The following HELQ variants were observed in gnomAD, a reference collection of about 807,000 sequenced individuals.
HELQ encodes helicase POLQ-like.
In HELQ, 77 loss-of-function variants were observed where a neutral mutation model predicts 111.6. The ratio of observed to expected loss-of-function variants is 0.69; its 90% CI spans 0.57 to 0.83. The LOEUF (loss-of-function observed/expected upper bound fraction) is 0.83, where lower values mean the gene tolerates loss of function less well. Among genes scored for constraint, HELQ ranks in the 40% least tolerant of loss-of-function variants. HELQ has a pLI of 0.00. For missense variants in HELQ, 1,200 were observed against 1,288.5 expected (o/e 0.93, Z 1.05); for synonymous variants, 438 against 454.7 (o/e 0.96, Z 0.47).
At chr4:83,439,382 T>A (rs1720648554) in intron 8 of HELQ, among the ~76,000 whole-genome samples, 1 of 136,672 alleles carries the variant, frequency 7.3e-6, no homozygotes, top group Admixed American at 7.5e-5. Context: ...TTTTTTTTGA[T>A]GGAGTCTCGC....
chr4:83,430,627 T>G (rs1295329712), intron 11 of HELQ, among the ~76,000 whole-genome samples: 2 of 152,178 alleles, frequency 1.3e-5, no homozygotes, highest in African/African-American at 2.4e-5. Flanking sequence ...ACAATTCTGA[T>G]GCTATTTCAA....
chr4:83,432,252 A>C lies in HELQ; in HGVS notation c.2064T>G (p.Ala688=). 6.4e-7 allele frequency: 1 copy of C among 1,573,204 alleles called. No individual in the cohort carries two copies. Among genetic ancestry groups the C allele is most frequent in the South Asian group, 1.2e-5 (1 of 83,426 alleles). Residue 688 remains alanine (A), a synonymous_variant, in exon 10 of 18, where the codon GCT becomes GCG. Coordinates refer to ENST00000295488, the MANE Select transcript of HELQ (RefSeq NM_133636.5). ...TTAAAAATTCCTTAGCAACATAGGG[A>C]GCTCTTAAAATAACTCTGTGGAATT... ...NLPARRVILR[A]PYVAKEFLKR...
intron 12 of HELQ, 86 bp downstream of exon 12, chr4:83,429,438 T>A: frequency 9.8e-7 from 1 of 1,020,020 alleles, no homozygotes; most frequent in Non-Finnish European, 1.5e-6. Flanking sequence ...CGTGAGCCAC[T>A]GTGCCCAGCT....
chr4:83,424,910 A>C (rs1385086899), intron 14 of HELQ, among the ~76,000 whole-genome samples: 1 of 152,136 alleles, frequency 6.6e-6, no homozygotes, highest in Non-Finnish European at 1.5e-5. Flanking sequence ...CATCAATTTA[A>C]GTGTATGTAA....
intron 8 of HELQ, among the ~76,000 whole-genome samples, 177 bp downstream of exon 8, chr4:83,439,686 T>C (rs1316767410): frequency 6.6e-6 from 1 of 152,242 alleles, no homozygotes; most frequent in Non-Finnish European, 1.5e-5. Flanking sequence ...TCTGGCTATT[T>C]CACATGTGAT....
Position 83,408,762 on chromosome 4 carries a change from G to C in HELQ, c.3199-1202C>G, listed in dbSNP as rs147744697. The stretch of plus-strand genomic sequence containing the variant: ...CCAAGTGTTTGCAGAGATCCAGATG[G>C]GGTTGAGAAAAAAAAAACACATGAA... On this transcript the variant is annotated intron_variant, in intron 17 of 17. Coordinates refer to ENST00000295488, the MANE Select transcript of HELQ (RefSeq NM_133636.5). 9.2e-3 allele frequency among the ~76,000 whole-genome samples: 1,393 copies of C among 151,356 alleles called. 19 individuals are homozygous for C. The highest frequency in any genetic ancestry group is 0.032 in the African/African-American group (1,309 of 41,270).
chr4:83,434,988 C>T (rs536604709), intron 9 of HELQ, among the ~76,000 whole-genome samples: 11 of 152,212 alleles, frequency 7.2e-5, no homozygotes, highest in Non-Finnish European at 1.3e-4. Flanking sequence ...AAAGCATCCA[C>T]CCAAGTGCTA....
chr4:83,445,961 A>G (rs902407672), intron 5 of HELQ, 53 bp downstream of exon 5: 13 of 1,139,576 alleles, frequency 1.1e-5, no homozygotes, highest in Admixed American at 1.8e-5. Flanking sequence ...TAAGTATTTT[A>G]TAAGTCTCTT....
At position 83,407,500 on chromosome 4, in the gene HELQ, G is replaced by A; in HGVS notation, c.3259C>T (p.Pro1087Ser). Residue 1087 changes from proline to serine, a missense_variant, in exon 18 of 18, where the codon CCT becomes TCT. Physicochemically the swap from Pro to Ser is moderately conservative, Grantham distance 74. Transcript: ENST00000295488. ...GCCACAGCACCAGGGAAATCAGAAG[G>A]CAATCTTAGTAACTCTTCTACCTCT... ...QEEVEELLRLPSDFPGAVASS... is the reference protein window; with the variant it reads ...QEEVEELLRLSSDFPGAVASS... The A allele has an allele frequency of 6.2e-7, 1 of 1,611,092 alleles. No homozygotes were observed. Among genetic ancestry groups the A allele is most frequent in the Non-Finnish European group, 8.5e-7 (1 of 1,179,050 alleles).
intron 11 of HELQ, among the ~76,000 whole-genome samples, chr4:83,430,156 T>TAA (rs397880201): frequency 2.9e-5 from 4 of 137,086 alleles, no homozygotes; most frequent in African/African-American, 5.3e-5. Flanking sequence ...AAAGTTGCAT[T>TAA]AAAAAAAAAA....
At position 83,414,673 on chromosome 4, in the gene HELQ, A is replaced by G. The variant is rs1017779395; in HGVS notation, c.3198+2058T>C. ...TGTTTGAACCTATGAGCACATACTG[A>G]TAAATGAATAAATAAAGGAAAAGCT... On this transcript the variant is annotated intron_variant, in intron 17 of 17. Transcript: ENST00000295488. Among the ~76,000 whole-genome samples the G allele has an allele frequency of 3.3e-5, 5 of 152,206 alleles. No homozygotes were observed. In the South Asian group the frequency reaches 1.0e-3, roughly 32 times the overall value.
At chr4:83,444,483 C>A (rs1158488910) in intron 5 of HELQ, among the ~76,000 whole-genome samples, 1 of 102,654 alleles carries the variant, frequency 9.7e-6, no homozygotes. Context: ...TGGGTTCAAG[C>A]AGTTCTCCTT....
intron 17 of HELQ, among the ~76,000 whole-genome samples, chr4:83,412,802 C>A (rs1434644556): frequency 1.2e-4 from 18 of 152,138 alleles, no homozygotes; most frequent in African/African-American, 1.7e-4. Flanking sequence ...CCAGCCTGGG[C>A]AACAGAGCAA....
rs779500980 is a variant in HELQ at position 83,446,080 on chromosome 4, T to C, written c.1399A>G (p.Met467Val). ...GCTCCACGGCTTCCTTCACCAATCA[T>C]GTGCAACTTCGAGATTTTTTTTAAA... ...LGLVVVDELH[M>V]IGEGSRGATL... Residue 467 changes from methionine (M) to valine (V), a missense_variant, in exon 5 of 18, where the codon ATG (methionine) becomes GTG (valine). Around this residue, in one of 3 missense-constraint regions of HELQ, gnomAD observed 610 missense variants for 607.1 expected, o/e 1.00. Transcript: ENST00000295488. The C allele has an allele frequency of 1.9e-6, 3 of 1,612,848 alleles. No individual in the cohort carries two copies. Among genetic ancestry groups the C allele is most frequent in the Non-Finnish European group, 2.5e-6 (3 of 1,179,098 alleles).
At chr4:83,455,219 G>A (rs1441483490) in intron 1 of HELQ, 178 bp downstream of exon 1, 5 of 1,323,990 alleles carry the variant, frequency 3.8e-6, no homozygotes, top group Non-Finnish European at 5.0e-6. Flanking sequence ...ATGTCTCGGG[G>A]TTTACATTTC....
Position 83,442,485 on chromosome 4 carries a change from G to T in HELQ, c.1563+1032C>A, listed in dbSNP as rs564383184. ...GAGTGCAGTGGCGCAATCTCGGCTTGCTGCAACCTTCGCCCCACTGGGTTC... is the reference window on the plus strand; with the variant it reads ...GAGTGCAGTGGCGCAATCTCGGCTTTCTGCAACCTTCGCCCCACTGGGTTC... On this transcript the variant is annotated intron_variant, in intron 6 of 17. Transcript: ENST00000295488. 1.1e-4 allele frequency among the ~76,000 whole-genome samples: 17 copies of T among 149,432 alleles called. No individual in the cohort carries two copies. The South Asian group carries it at 2.9e-3, about 26-fold the overall frequency.
chr4:83,418,379 A>G (rs530384569), intron 15 of HELQ, among the ~76,000 whole-genome samples, 173 bp from the exon 16 acceptor site: 1 of 152,316 alleles, frequency 6.6e-6, no homozygotes, highest in East Asian at 1.9e-4. Context: ...CATGGGGAGG[A>G]CCCTGAGGAA....
chr4:83,429,271 C>T (rs1291119080), intron 12 of HELQ, among the ~76,000 whole-genome samples: 6 of 152,038 alleles, frequency 3.9e-5, no homozygotes, highest in East Asian at 1.9e-4. Context: ...CTCAGCCTCC[C>T]GAGTAGCTGG....
At chr4:83,428,537 G>A (rs148289822) in intron 12 of HELQ, among the ~76,000 whole-genome samples, 126 of 152,074 alleles carry the variant, frequency 8.3e-4, no homozygotes, top group Non-Finnish European at 1.6e-3. Context: ...TTTTGGCCTC[G>A]GCAGCAGAGC....
Sources: allele counts gnomAD v4.1 joint callset (sites outside exome capture counted in the v4.1 genomes callset), GRCh38; gene constraint gnomAD v4.1.1; regional missense constraint gnomAD v4.1.1; transcripts MANE v1.5; gene names NCBI Gene and HGNC (gene_info 2026-07-23, HGNC 2026-07-21).